KIF6: variants seen among roughly 807,000 people sequenced by gnomAD.
The protein encoded by KIF6 is kinesin-like protein KIF6.
Under a neutral mutation model 112.7 loss-of-function variants are expected in KIF6, and 106 were observed. The observed-to-expected ratio is 0.94, with a 90% CI of 0.80 to 1.11. KIF6 has a LOEUF of 1.11. Among genes scored for constraint, KIF6 ranks in the 50% least tolerant of loss-of-function variants. The pLI is 0.00. For synonymous variants in KIF6, 339 were observed against 339.9 expected, an observed-to-expected ratio of 1.00 and a Z score of 0.03; for missense variants, 929 against 964.0, an observed-to-expected ratio of 0.96 and a Z score of 0.48.
intron 13 of KIF6, among the ~76,000 whole-genome samples, chr6:39,534,448 A>G (rs573355491): frequency 3.3e-5 from 5 of 152,356 alleles, no homozygotes; most frequent in Admixed American, 3.3e-4. Context: ...AATCAACTGG[A>G]AGAAAGAGTA....
chr6:39,670,492 TTTA>T (rs1421176230), intron 3 of KIF6, among the ~76,000 whole-genome samples: 2 of 152,196 alleles, frequency 1.3e-5, no homozygotes, highest in East Asian at 3.8e-4. Flanking sequence ...ATATTTATTA[TTTA>T]TTAAGTGGAA....
In KIF6 at chr6:39,545,489, T is replaced by C. The variant is rs889430384; in HGVS notation, c.1287+94A>G. 3 of 769,230 alleles carry C rather than the reference T, an allele frequency of 3.9e-6. No individual in the cohort carries two copies. In the African/African-American group the frequency reaches 5.2e-5, roughly 13 times the overall value. 47.7% of individuals were successfully genotyped at this position (769,230 alleles called of 1,614,324 possible). ...CATTTTCTGGACATGCAATGCTGGA[T>C]CCTAACCTTCCAAGAACTGGTCAAC... On this transcript the variant is annotated intron_variant, in intron 11 of 22. Transcript: ENST00000287152.
At chr6:39,434,063 A>C (rs1392544810) in intron 13 of KIF6, among the ~76,000 whole-genome samples, 1 of 152,142 alleles carries the variant, frequency 6.6e-6, no homozygotes, top group Non-Finnish European at 1.5e-5. Context: ...CTGAGCATGC[A>C]CTGTATGCAT....
intron 21 of KIF6, among the ~76,000 whole-genome samples, chr6:39,344,465 A>ACC (rs1027298734): frequency 1.3e-5 from 2 of 152,164 alleles, no homozygotes; most frequent in African/African-American, 4.8e-5. Flanking sequence ...GTATGATATG[A>ACC]CCCCGGGTCA....
At chr6:39,470,413 C>A (rs1280096208) in intron 13 of KIF6, among the ~76,000 whole-genome samples, 4 of 152,182 alleles carry the variant, frequency 2.6e-5, no homozygotes, top group Non-Finnish European at 1.5e-5. Flanking sequence ...TCTGTAGGAG[C>A]ATTTTGGACT....
chr6:39,594,141 GA>G (rs1426577428), intron 7 of KIF6, among the ~76,000 whole-genome samples: 1 of 151,824 alleles, frequency 6.6e-6, no homozygotes, highest in Non-Finnish European at 1.5e-5. Flanking sequence ...TAAGAATTTT[GA>G]AGAGAAGAAA....
rs747006947 is a variant in KIF6 at position 39,418,529 on chromosome 6, G to A, written c.1810+1419C>T. 5.3e-5 allele frequency among the ~76,000 whole-genome samples: 8 copies of A among 152,214 alleles called. No individual in the cohort carries two copies. The South Asian group carries it at 6.2e-4, about 12-fold the overall frequency. On this transcript the variant is annotated intron_variant, in intron 15 of 22. Coordinates refer to ENST00000287152, the MANE Select transcript of KIF6 (RefSeq NM_145027.6). ...GATAGCACAAAAGATATTTTACAAC[G>A]TCTGCCCCTCTGTGATATGACATGC...
chr6:39,625,894 G>A (rs189842048), intron 5 of KIF6, among the ~76,000 whole-genome samples: 1 of 152,254 alleles, frequency 6.6e-6, no homozygotes, highest in East Asian at 1.9e-4. Flanking sequence ...GAGGCAGGAA[G>A]CTGAGGAAAT....
At chr6:39,494,666 G>A (rs1008796583) in intron 13 of KIF6, among the ~76,000 whole-genome samples, 1 of 152,090 alleles carries the variant, frequency 6.6e-6, no homozygotes, top group Non-Finnish European at 1.5e-5. Flanking sequence ...AAAAACTATT[G>A]TGATAATTTA....
intron 5 of KIF6, among the ~76,000 whole-genome samples, chr6:39,631,162 T>C (rs535740002): frequency 6.6e-6 from 1 of 152,136 alleles, no homozygotes; most frequent in East Asian, 1.9e-4. Flanking sequence ...CTGCTTTTGG[T>C]ATTTGGATAA....
At chr6:39,531,677 A>G (rs1163839571) in intron 13 of KIF6, among the ~76,000 whole-genome samples, 3 of 152,118 alleles carry the variant, frequency 2.0e-5, no homozygotes, top group Non-Finnish European at 4.4e-5. Flanking sequence ...TCTTGTCTCC[A>G]TGAAAAGCCT....
chr6:39,447,283 C>A (rs1222339851), intron 13 of KIF6, among the ~76,000 whole-genome samples: 19 of 152,126 alleles, frequency 1.2e-4, no homozygotes, highest in Admixed American at 1.2e-3. Context: ...TCATGTATAC[C>A]AGAAGTCCAA....
In KIF6 at chr6:39,725,259, T is replaced by C; in HGVS notation, c.52A>G (p.Lys18Glu). 6.2e-7 allele frequency: 1 copy of C among 1,609,852 alleles called. No homozygotes were observed. Among genetic ancestry groups the C allele is most frequent in the Non-Finnish European group, 8.5e-7 (1 of 1,178,406 alleles). Residue 18 changes from lysine (K) to glutamate (E), a missense_variant, in exon 1 of 23, where the codon AAG becomes GAG. Transcript: ENST00000287152. ...IFARVKPPVR[K>E]HQQGIYSIDE... ...CCAGCCCGTACCCCTTGTTGGTGCT[T>C]CCGGACAGGGGGCTTCACCCTCGCG...
intron 10 of KIF6, among the ~76,000 whole-genome samples, chr6:39,551,640 T>C (rs1484541102): frequency 6.6e-6 from 1 of 152,040 alleles, no homozygotes; most frequent in East Asian, 1.9e-4. Context: ...TCCATAATAT[T>C]AAAAATTAAA....
intron 14 of KIF6, among the ~76,000 whole-genome samples, chr6:39,423,270 T>C (rs1437688892): frequency 6.6e-6 from 1 of 152,146 alleles, no homozygotes; most frequent in Admixed American, 6.5e-5. Context: ...TCCTCAACTA[T>C]GGCTCCCACT....
intron 3 of KIF6, among the ~76,000 whole-genome samples, chr6:39,665,264 C>A (rs574600087): frequency 6.6e-6 from 1 of 152,138 alleles, no homozygotes; most frequent in Admixed American, 6.5e-5. Context: ...CAAATGCAGA[C>A]GTACAAAATG....
In KIF6 at chr6:39,509,933, A is replaced by G. The variant is rs373549356; in HGVS notation, c.1645+30070T>C. Among the ~76,000 whole-genome samples, 366 of 152,282 alleles carry G rather than the reference A, an allele frequency of 2.4e-3. 3 individuals are homozygous for G. Among genetic ancestry groups the G allele is most frequent in the Middle Eastern group, 6.8e-3 (2 of 294 alleles). Reference sequence around the variant, plus strand: ...CAACCCCAAGACATATAATTGTCAGATTCACCAAGGCTGAAATGAAGGAGA... The same window carrying G: ...CAACCCCAAGACATATAATTGTCAGGTTCACCAAGGCTGAAATGAAGGAGA... On this transcript the variant is annotated intron_variant, in intron 13 of 22. Coordinates refer to ENST00000287152, the MANE Select transcript of KIF6 (RefSeq NM_145027.6).
At chr6:39,531,734 A>T (rs1778074705) in intron 13 of KIF6, among the ~76,000 whole-genome samples, 1 of 151,860 alleles carries the variant, frequency 6.6e-6, no homozygotes, top group Non-Finnish European at 1.5e-5. Context: ...CCTTACCCCC[A>T]GCATCCAATC....
intron 15 of KIF6, among the ~76,000 whole-genome samples, chr6:39,409,818 A>G (rs879418748): frequency 6.6e-6 from 1 of 152,210 alleles, no homozygotes; most frequent in Non-Finnish European, 1.5e-5. Context: ...CAGTGTTTCC[A>G]GAGTAGTTGA....
Sources: allele counts gnomAD v4.1 joint callset (sites outside exome capture counted in the v4.1 genomes callset), GRCh38; gene constraint gnomAD v4.1.1; transcripts MANE v1.5; gene names NCBI Gene and HGNC (gene_info 2026-07-23, HGNC 2026-07-21).